Variants in USB1 observed in about 807,000 individuals in gnomAD.
USB1 encodes the protein U6 snRNA biogenesis phosphodiesterase 1.
USB1 carries 21 observed loss-of-function variants against 29.9 expected under a neutral mutation model. That is an observed-to-expected ratio of 0.70 (90% confidence interval 0.50 to 1.01). The LOEUF is 1.01. USB1 is among the 50% of genes least tolerant of loss of function. USB1 has a pLI of 0.00. For synonymous variants in USB1, 143 were observed against 134.9 expected, an observed-to-expected ratio of 1.06 and a Z score of -0.42; for missense variants, 330 against 347.1, an observed-to-expected ratio of 0.95 and a Z score of 0.39.
intron 6 of USB1, 139 bp from the exon 7 acceptor site, chr16:58,020,002 A>T (rs1567424300): frequency 1.3e-6 from 1 of 764,726 alleles, no homozygotes. Flanking sequence ...ATCAGACAAG[A>T]TCACCAATGC....
chr16:58,004,834 A>G (rs1466166507), intron 2 of USB1, among the ~76,000 whole-genome samples: 1 of 152,182 alleles, frequency 6.6e-6, no homozygotes, highest in African/African-American at 2.4e-5. Context: ...AGACAAAGAG[A>G]TAAGAGAAAA....
rs537633419 is a variant in USB1, at chr16:58,012,037, T to C, written c.449+1925T>C. 2.9e-5 allele frequency: 36 copies of C among 1,239,942 alleles called. No individual in the cohort carries two copies. The African/African-American group carries it at 5.2e-4, about 18-fold the overall frequency. 76.8% of individuals were successfully genotyped at this position (1,239,942 alleles called of 1,614,324 possible). A position where few individuals can be genotyped will look rare whatever the true frequency, so the allele number is the denominator to read the frequency against. Reference sequence around the variant, plus strand: ...TGCACAAAAGCCTGATGTGTGGCTGTGTAAAACAGAAATAAACAGTCTTCT... The same window carrying C: ...TGCACAAAAGCCTGATGTGTGGCTGCGTAAAACAGAAATAAACAGTCTTCT... On this transcript the variant is annotated intron_variant, in intron 3 of 6. Coordinates refer to ENST00000219281, the MANE Select transcript of USB1 (RefSeq NM_024598.4).
intron 4 of USB1, chr16:58,015,730 AC>A (rs930307823): frequency 3.9e-5 from 6 of 152,194 alleles, no homozygotes; most frequent in African/African-American, 1.5e-4. Flanking sequence ...TTTGATGGTG[AC>A]CTGAGAATGA....
rs1963705886 is a variant in USB1 at position 58,020,225 on chromosome 16, T to G, written c.778T>G (p.Phe260Val). Residue 260 changes from phenylalanine (F) to valine (V), a missense_variant, in exon 7 of 7, where the codon TTC becomes GTC. By Grantham distance (50) the Phe-to-Val change is conservative (BLOSUM62 -1). Coordinates refer to ENST00000219281, the MANE Select transcript of USB1 (RefSeq NM_024598.4). ...CCGCTGCAAGTCTGGGAACAAGTTC[T>G]TCTCGATGCCTTTGAAGTGAGCACC... is the stretch of plus-strand genomic sequence containing the variant. ...QVRCKSGNKFFSMPLK is the reference protein window; with the variant it reads ...QVRCKSGNKFVSMPLK 6.2e-7 allele frequency: 1 copy of G among 1,614,054 alleles called. No homozygotes were observed. Among genetic ancestry groups the G allele is most frequent in the Admixed American group, 1.7e-5 (1 of 60,010 alleles).
intron 3 of USB1, chr16:58,010,806 G>A (rs1963474872): frequency 1.2e-5 from 7 of 576,230 alleles, no homozygotes; most frequent in Admixed American, 6.0e-5. Flanking sequence ...CTGTGGAGTT[G>A]GGAGTGAGCC....
At chr16:58,018,900 C>A in intron 5 of USB1, 72 bp from the exon 6 acceptor site, 1 of 1,478,732 alleles carries the variant, frequency 6.8e-7, no homozygotes, top group South Asian at 1.2e-5. Context: ...ACAGCTCTGT[C>A]ACAGACCTGC....
chr16:58,010,237 T>G, intron 3 of USB1, 125 bp downstream of exon 3: 1 of 1,142,392 alleles, frequency 8.8e-7, no homozygotes. Flanking sequence ...GCCCCTCTCC[T>G]GGGGCTGCCT....
At chr16:58,014,413 AT>A in intron 4 of USB1, 87 bp downstream of exon 4, 1 of 1,243,428 alleles carries the variant, frequency 8.0e-7, no homozygotes, top group Non-Finnish European at 1.2e-6. Context: ...TGTTTGTCCC[AT>A]TTTTTGTTTG....
At chr16:58,011,780 C>T in intron 3 of USB1, 2 of 987,386 alleles carry the variant, frequency 2.0e-6, no homozygotes, top group Non-Finnish European at 2.4e-6. Context: ...CACATTCCTC[C>T]AGGCCAGGAC....
chr16:58,004,164 A>G (rs924502706), intron 2 of USB1, among the ~76,000 whole-genome samples: 4 of 152,172 alleles, frequency 2.6e-5, no homozygotes, highest in South Asian at 4.1e-4. Context: ...TTTCTTATAT[A>G]TGGATATCCA....
At chr16:58,014,922 C>T (rs1262501549) in intron 4 of USB1, among the ~76,000 whole-genome samples, 3 of 151,752 alleles carry the variant, frequency 2.0e-5, no homozygotes, top group African/African-American at 7.3e-5. Flanking sequence ...ACTAAAAATA[C>T]AAAAAATTAG....
intron 3 of USB1, chr16:58,011,920 A>G: frequency 2.0e-6 from 2 of 1,024,254 alleles, no homozygotes; most frequent in Non-Finnish European, 2.3e-6. Context: ...TGGATCCTCT[A>G]CTGTTGATAC....
At chr16:58,002,125 A>G (rs952551768) in intron 1 of USB1, among the ~76,000 whole-genome samples, 1 of 152,246 alleles carries the variant, frequency 6.6e-6, no homozygotes, top group African/African-American at 2.4e-5. Flanking sequence ...TCAGGTAGAC[A>G]TATACTTTCA....
chr16:58,001,519 C>G lies in USB1; in HGVS notation c.36C>G (p.Ser12Arg), dbSNP rs1963189991. ...CGCCCCTGGTGGGCTACAGCAGCAG[C>G]GGCTCCGAGGATGAGTCCGAGGACG... ...SAAPLVGYSS[S>R]GSEDESEDGM... is the part of the protein sequence containing the mutation. Residue 12 changes from serine to arginine, a missense_variant, in exon 1 of 7, where the codon AGC becomes AGG. Transcript: ENST00000219281. 1 of 1,607,984 alleles carries G rather than the reference C, an allele frequency of 6.2e-7. No homozygotes were observed. Among genetic ancestry groups the G allele is most frequent in the Admixed American group, 1.7e-5 (1 of 59,466 alleles).
At chr16:58,017,768 C>T (rs1963651793) in intron 5 of USB1, among the ~76,000 whole-genome samples, 1 of 152,196 alleles carries the variant, frequency 6.6e-6, no homozygotes, top group African/African-American at 2.4e-5. Flanking sequence ...GTCAGATTGA[C>T]CCTCAGAGAG....
intron 2 of USB1, 81 bp downstream of exon 2, chr16:58,002,726 A>C: frequency 1.9e-6 from 3 of 1,586,204 alleles, no homozygotes; most frequent in Non-Finnish European, 2.6e-6. Flanking sequence ...GGCCCCAACT[A>C]GAAGGAAGAA....
Position 58,014,303 on chromosome 16 carries a change from T to C in USB1, c.480T>C (p.Ile160=). The C allele has an allele frequency of 6.2e-7, 1 of 1,613,930 alleles. No homozygotes were observed. The highest frequency in any genetic ancestry group is 2.2e-5 in the East Asian group (1 of 44,886). The change falls in exon 4 of 7, where the codon ATT becomes ATC. Residue 160 remains isoleucine (I), a synonymous_variant. Coordinates refer to ENST00000219281, the MANE Select transcript of USB1 (RefSeq NM_024598.4). The part of the protein sequence containing the change: ...RFFFTANQVK[I]YTNQEKTRTF... ...TCTTTACTGCCAACCAGGTAAAGAT[T>C]TACACCAATCAAGAGAAAACCAGGT...
upstream of USB1, among the ~76,000 whole-genome samples, chr16:58,000,727 C>G (rs1045245365): frequency 1.3e-5 from 2 of 151,110 alleles, no homozygotes; most frequent in African/African-American, 4.8e-5. The surrounding 1 kb of genome is among the most constrained non-coding windows in gnomAD (Gnocchi z 4.5). Flanking sequence ...GGAGCGGCAT[C>G]CCGGGCGGCG....
intron 3 of USB1, chr16:58,011,859 A>T (rs1367110832): frequency 1.0e-6 from 1 of 992,868 alleles, no homozygotes; most frequent in African/African-American, 1.7e-5. Context: ...CATCAAATAG[A>T]TGCTTGTTGA....
Sources: allele counts gnomAD v4.1 joint callset (sites outside exome capture counted in the v4.1 genomes callset), GRCh38; gene constraint gnomAD v4.1.1; non-coding constraint Gnocchi (gnomAD v3.1); transcripts MANE v1.5; gene names NCBI Gene and HGNC (gene_info 2026-07-23, HGNC 2026-07-21).